CYP11B1: variants seen among roughly 807,000 people sequenced by gnomAD.
The protein encoded by CYP11B1 is cytochrome P450 11B1, mitochondrial.
Under a neutral mutation model 48.3 loss-of-function variants are expected in CYP11B1, and 34 were observed. The ratio of observed to expected loss-of-function variants is 0.70; its 90% confidence interval spans 0.54 to 0.94. The LOEUF is 0.94. Ranked by LOEUF, CYP11B1 falls within the 40% of genes least tolerant of loss-of-function variation. The probability of loss-of-function intolerance (pLI) is 0.00; values close to 1 mark genes in which losing one functional copy is unlikely to be tolerated. For synonymous variants in CYP11B1, 291 were observed against 262.5 expected, an observed-to-expected ratio of 1.11 and a Z score of -1.05; for missense variants, 688 against 657.4, an observed-to-expected ratio of 1.05 and a Z score of -0.51.
In CYP11B1 at chr8:142,875,040, A is replaced by G. The variant is rs5294; in HGVS notation, c.1315T>C (p.Tyr439His). ...LDIRGSGRNF[Y>H]HVPFGFGMRQ... ...ATGCCAAAGCCAAAGGGCACGTGGT[A>G]GAAGTTCCTGCCGGAGCCCCTGATG... The change falls in exon 8 of 9, where the codon TAC (tyrosine) becomes CAC (histidine). Residue 439 changes from tyrosine to histidine, a missense_variant. By Grantham distance (83) the Tyr-to-His change is moderately conservative. Transcript: ENST00000292427. The G allele has an allele frequency of 1.8e-4, 285 of 1,612,730 alleles. No homozygotes were observed. In the African/African-American group the frequency reaches 2.9e-3, roughly 16 times the overall value.
Position 142,876,487 on chromosome 8 carries a change from G to A in CYP11B1, c.800-92C>T, listed in dbSNP as rs61752762. 4.5e-4 allele frequency: 685 copies of A among 1,535,234 alleles called. 1 individual carries two copies. Among genetic ancestry groups the A allele is most frequent in the African/African-American group, 3.7e-3 (266 of 71,214 alleles). On this transcript the variant is annotated intron_variant, in intron 4 of 8. Transcript: ENST00000292427. ...CTGCCCAGACTGCCCCGACACCCAA[G>A]TCTCCCTGCTCTCATCCCAAATTCT...
chr8:142,877,028 A>G lies in CYP11B1; in HGVS notation c.590T>C (p.Ile197Thr), dbSNP rs748896474. 1.3e-5 allele frequency: 21 copies of G among 1,613,252 alleles called. No individual in the cohort carries two copies. The highest frequency in any genetic ancestry group is 6.7e-5 in the Admixed American group (4 of 59,848). ...TCTTCCCACGTGGCCCACACCTTCT[A>G]TGGTGTAGTGGAAGATGCTGGGCTG... ...DVQPSIFHYT[I>T]EASNLALFGE... Residue 197 changes from isoleucine (I) to threonine (T), a missense_variant, in exon 3 of 9, where the codon ATA becomes ACA. Transcript: ENST00000292427.
At position 142,879,800 on chromosome 8, in the gene CYP11B1, G is replaced by T; in HGVS notation, c.14C>A (p.Ala5Glu). Residue 5 changes from alanine to glutamate, a missense_variant, in exon 1 of 9, where the codon GCA becomes GAA. Coordinates refer to ENST00000292427, the MANE Select transcript of CYP11B1 (RefSeq NM_000497.4). The part of the protein sequence containing the change: MALR[A>E]KAEVCMAVPW... ...CACTGCCATGCACACCTCTGCCTTT[G>T]CCCTGAGTGCCATTCCAATGCTCCC... 1 of 1,613,838 alleles carries T rather than the reference G, an allele frequency of 6.2e-7. No individual in the cohort carries two copies. Among genetic ancestry groups the T allele is most frequent in the African/African-American group, 1.3e-5 (1 of 75,060 alleles).
In CYP11B1 at chr8:142,873,766, G is replaced by A. The variant is rs1816856226; in HGVS notation, c.*607C>T. On this transcript the variant is annotated 3_prime_UTR_variant, in exon 9 of 9. Coordinates refer to ENST00000292427, the MANE Select transcript of CYP11B1 (RefSeq NM_000497.4). ...ATCAGCTGGGGAACACACGTCCCTCGAGACTCAGTTGTATCACTTGAAAAT... is the reference window on the plus strand; with the variant it reads ...ATCAGCTGGGGAACACACGTCCCTCAAGACTCAGTTGTATCACTTGAAAAT... 1 of 164,366 alleles carries A rather than the reference G, an allele frequency of 6.1e-6. No individual in the cohort carries two copies. Among genetic ancestry groups the A allele is most frequent in the Admixed American group, 5.5e-5 (1 of 18,056 alleles). The allele number at this position is 164,366 out of a possible 1,614,324, so 10.2% of individuals were successfully genotyped here.
In CYP11B1 at chr8:142,876,287, G is replaced by T. The variant is rs1554652916; in HGVS notation, c.908C>A (p.Ala303Asp). The change falls in exon 5 of 9, where the codon GCC becomes GAC. Residue 303 changes from alanine to aspartate, a missense_variant. Physicochemically the swap from Ala to Asp is moderately radical, Grantham distance 126 (BLOSUM62 -2). Transcript: ENST00000292427. The part of the protein sequence containing the change: ...LLLNAELSPD[A>D]IKANSMELTA... ...GAGTTCCATAGAGTTGGCCTTGATG[G>T]CATCTGGCGACAGTTCCGCATTCAA... 6 of 1,614,230 alleles carry T rather than the reference G, an allele frequency of 3.7e-6. No homozygotes were observed. The South Asian group carries it at 6.6e-5, about 18-fold the overall frequency.
In CYP11B1 at chr8:142,879,655, C is replaced by T. The variant is rs758653314; in HGVS notation, c.159G>A (p.Leu53=). The change falls in exon 1 of 9, where the codon CTG becomes CTA. Residue 53 remains leucine, a synonymous_variant. Transcript: ENST00000292427. ...RRPGNRWLRL[L]QIWREQGYED... is the part of the protein sequence containing the mutation. ...CATAACCCTGCTCCCTCCAGATCTG[C>T]AGCAGCCTCAGCCACCTGTTGCCTG... The T allele has an allele frequency of 1.2e-6, 2 of 1,614,252 alleles. No homozygotes were observed. The highest frequency in any genetic ancestry group is 1.3e-5 in the African/African-American group (1 of 75,072).
At position 142,875,353 on chromosome 8, in the gene CYP11B1, T is replaced by C. The variant is rs61752793; in HGVS notation, c.1122-41A>G. 450 of 1,573,440 alleles carry C rather than the reference T, an allele frequency of 2.9e-4. 1 individual carries two copies. In the African/African-American group the frequency reaches 5.4e-3, roughly 19 times the overall value. ...TCCATAGAAAGGGTCCTCAGCTGGA[T>C]GGGGCTTCCTGTGCTCTCTGCACCC... On this transcript the variant is annotated intron_variant, in intron 6 of 8. Coordinates refer to ENST00000292427, the MANE Select transcript of CYP11B1 (RefSeq NM_000497.4).
chr8:142,879,414 G>T, intron 1 of CYP11B1, 161 bp downstream of exon 1: 1 of 1,612,892 alleles, frequency 6.2e-7, no homozygotes, highest in Non-Finnish European at 8.5e-7. Context: ...CCCTGCCCTG[G>T]CAGCGCCACA....
chr8:142,879,178 C>G lies in CYP11B1; in HGVS notation c.249G>C (p.Leu83Phe), dbSNP rs1563870996. Residue 83 changes from leucine (L) to phenylalanine (F), a missense_variant, in exon 2 of 9, where the codon TTG (leucine) becomes TTC (phenylalanine). Physicochemically the swap from Leu to Phe is conservative, Grantham distance 22. Coordinates refer to ENST00000292427, the MANE Select transcript of CYP11B1 (RefSeq NM_000497.4). ...QELGPIFRYD[L>F]GGAGMVCVML... Reference sequence around the variant, plus strand: ...TCACACACACCATGCCTGCTCCTCCCAAGTCGTACCTGTGGGGCCAAGCAC... The same window carrying G: ...TCACACACACCATGCCTGCTCCTCCGAAGTCGTACCTGTGGGGCCAAGCAC... 1.9e-6 allele frequency: 3 copies of G among 1,613,896 alleles called. No homozygotes were observed. The highest frequency in any genetic ancestry group is 1.3e-5 in the African/African-American group (1 of 75,038).
intron 2 of CYP11B1, among the ~76,000 whole-genome samples, chr8:142,878,016 CAG>C (rs1817014859): frequency 6.6e-6 from 1 of 151,612 alleles, no homozygotes. Context: ...CATGCACACA[CAG>C]AGACACTCGT....
Position 142,876,667 on chromosome 8 carries a change from G to A in CYP11B1, c.799+15C>T, listed in dbSNP as rs1253204723. On this transcript the variant is annotated intron_variant, in intron 4 of 8. Transcript: ENST00000292427. ...TGTCCCTTCCCCATAGCACTGCCCG[G>A]GTCCCTGGCCTCACCGTACTGGAAG... 2 of 1,600,632 alleles carry A rather than the reference G, an allele frequency of 1.2e-6. No individual in the cohort carries two copies. The highest frequency in any genetic ancestry group is 2.3e-5 in the South Asian group (2 of 88,772).
chr8:142,875,735 A>C lies in CYP11B1; in HGVS notation c.1098T>G (p.Arg366=), dbSNP rs61752769. The C allele has an allele frequency of 4.8e-3, 7,716 of 1,599,246 alleles. 108 individuals carry two copies. The African/African-American group carries it at 0.052, about 11-fold the overall frequency. The change falls in exon 6 of 9, where the codon CGT becomes CGG. Residue 366 remains arginine, a synonymous_variant. Transcript: ENST00000292427. ...ACCGCAAGGTCTCCTTGAGGGCCGC[A>C]CGCAGCAAGGGCAGCTCGGTGGTTG... ...QKATTELPLL[R]AALKETLRLY...
intron 1 of CYP11B1, 31 bp from the exon 2 acceptor site, chr8:142,879,218 T>C (rs748878334): frequency 6.2e-7 from 1 of 1,613,694 alleles, no homozygotes; most frequent in East Asian, 2.2e-5. Context: ...CCGTGCTGGA[T>C]GGGACCATGT....
chr8:142,876,654 A>G (rs1340699171), intron 4 of CYP11B1, 28 bp downstream of exon 4: 4 of 1,591,432 alleles, frequency 2.5e-6, no homozygotes, highest in Admixed American at 1.8e-5. Context: ...TCCCTTCCCC[A>G]TAGCACTGCC....
At position 142,877,143 on chromosome 8, in the gene CYP11B1, G is replaced by T; in HGVS notation, c.475C>A (p.Pro159Thr). The change falls in exon 3 of 9, where the codon CCG becomes ACG. Residue 159 changes from proline (P) to threonine (T), a missense_variant. Transcript: ENST00000292427. ...TCCCTGGCCACTGCATCCACCATCGGGAGGAACCTCTGCACAGCGTTGGGC... is the reference window on the plus strand; with the variant it reads ...TCCCTGGCCACTGCATCCACCATCGTGAGGAACCTCTGCACAGCGTTGGGC... ...LSPNAVQRFL[P>T]MVDAVARDFS... is the part of the protein sequence containing the mutation. The T allele has an allele frequency of 6.2e-7, 1 of 1,614,164 alleles. No individual in the cohort carries two copies. Among genetic ancestry groups the T allele is most frequent in the African/African-American group, 1.3e-5 (1 of 75,040 alleles).
At chr8:142,877,714 C>T (rs1337704369) in intron 2 of CYP11B1, 2 of 1,578,584 alleles carry the variant, frequency 1.3e-6, no homozygotes, top group Non-Finnish European at 1.7e-6. Context: ...TCTGCATCTT[C>T]TGCAGGACAG....
At chr8:142,874,884 T>A (rs1264577280) in intron 8 of CYP11B1, 73 bp downstream of exon 8, 1 of 1,575,098 alleles carries the variant, frequency 6.3e-7, no homozygotes. Context: ...CCGAGGCCAG[T>A]CCCACATTGC....
rs767490658 is a variant in CYP11B1 at position 142,874,481 on chromosome 8, C to T, written c.1404G>A (p.Leu468=). The T allele has an allele frequency of 2.7e-5, 44 of 1,610,548 alleles. No individual in the cohort carries two copies. In the African/African-American group the frequency reaches 5.9e-4, roughly 22 times the overall value. ...TTAGTGTCTCCACCTGGAGGTGTTT[C>T]AGCACCTAGGACAGAAGCCGGGTTT... ...AEMLLLLHHV[L]KHLQVETLTQ... is the part of the protein sequence containing the mutation. The change falls in exon 9 of 9, where the codon CTG becomes CTA. Residue 468 remains leucine (L), a synonymous_variant. Transcript: ENST00000292427.
At position 142,877,099 on chromosome 8, in the gene CYP11B1, C is replaced by G. The variant is rs1420445962; in HGVS notation, c.519G>C (p.Lys173Asn). The G allele has an allele frequency of 6.2e-7, 1 of 1,614,060 alleles. No individual in the cohort carries two copies. The highest frequency in any genetic ancestry group is 8.5e-7 in the Non-Finnish European group (1 of 1,179,990). Residue 173 changes from lysine to asparagine, a missense_variant, in exon 3 of 9, where the codon AAG (lysine) becomes AAC (asparagine). Coordinates refer to ENST00000292427, the MANE Select transcript of CYP11B1 (RefSeq NM_000497.4). ...AVARDFSQAL[K>N]KKVLQNARGS... The stretch of plus-strand genomic sequence containing the variant: ...CCCGGGCGTTCTGCAGCACCTTCTT[C>G]TTCAGGGCCTGGGAGAAGTCCCTGG...
Sources: allele counts gnomAD v4.1 joint callset (sites outside exome capture counted in the v4.1 genomes callset), GRCh38; gene constraint gnomAD v4.1.1; transcripts MANE v1.5; gene names NCBI Gene and HGNC (gene_info 2026-07-23, HGNC 2026-07-21).